PLSCR4: variants seen among roughly 807,000 people sequenced by gnomAD.
The protein encoded by PLSCR4 is Ca(2+)-dependent phospholipid scramblase 4.
In PLSCR4, 25 loss-of-function variants were observed where a neutral mutation model predicts 36.3. That is an observed-to-expected ratio of 0.69 (90% CI 0.50 to 0.96). The LOEUF (loss-of-function observed/expected upper bound fraction) is 0.96, where lower values mean the gene tolerates loss of function less well. Among genes scored for constraint, PLSCR4 ranks in the 40% least tolerant of loss-of-function variants. The probability of loss-of-function intolerance (pLI) is 0.00; values close to 1 mark genes in which losing one functional copy is unlikely to be tolerated. For missense variants in PLSCR4, 408 were observed against 414.7 expected (o/e 0.98, Z 0.14); for synonymous variants, 122 against 132.9 (o/e 0.92, Z 0.56).
At chr3:146,239,375 T>C (rs1044596837) in intron 1 of PLSCR4, among the ~76,000 whole-genome samples, 7 of 152,046 alleles carry the variant, frequency 4.6e-5, no homozygotes, top group African/African-American at 7.2e-5. Flanking sequence ...GTCCAAAGAA[T>C]AGACATATAG....
chr3:146,243,190 C>T (rs2036215857), intron 1 of PLSCR4, among the ~76,000 whole-genome samples: 1 of 152,082 alleles, frequency 6.6e-6, no homozygotes, highest in Non-Finnish European at 1.5e-5. Context: ...GACTGAAACC[C>T]CTCTTCTCAA....
At position 146,193,645 on chromosome 3, in the gene PLSCR4, C is replaced by G. The variant is rs541433566; in HGVS notation, c.*766G>C. 2 of 152,130 alleles carry G rather than the reference C, an allele frequency of 1.3e-5. No individual in the cohort carries two copies. Among genetic ancestry groups the G allele is most frequent in the East Asian group, 3.8e-4 (2 of 5,196 alleles). 9.4% of individuals were successfully genotyped at this position (152,130 alleles called of 1,614,324 possible). On this transcript the variant is annotated 3_prime_UTR_variant, in exon 9 of 9. Coordinates refer to ENST00000354952, the MANE Select transcript of PLSCR4 (RefSeq NM_020353.3). ...AAATGCAAGCTTCATATAATGACAC[C>G]AATGTCTCTAAGTTGCTCAGAGATC...
intron 3 of PLSCR4, among the ~76,000 whole-genome samples, chr3:146,217,901 G>A (rs1483825639): frequency 6.6e-6 from 1 of 152,114 alleles, no homozygotes; most frequent in Non-Finnish European, 1.5e-5. Context: ...GAAGGAAAAG[G>A]AAACCTTCAG....
intron 3 of PLSCR4, among the ~76,000 whole-genome samples, chr3:146,213,340 T>TTTTTTG (rs2034722313): frequency 6.7e-6 from 1 of 149,282 alleles, no homozygotes; most frequent in Non-Finnish European, 1.5e-5. Flanking sequence ...TTTCCTTTTT[T>TTTTTTG]TTTTTTTTTT....
At chr3:146,220,716 T>C (rs1384692034) in intron 3 of PLSCR4, 99 bp downstream of exon 3, 9 of 740,380 alleles carry the variant, frequency 1.2e-5, no homozygotes, top group Non-Finnish European at 2.1e-5. Flanking sequence ...TTTATTTACT[T>C]ATTAAATCAG....
intron 4 of PLSCR4, among the ~76,000 whole-genome samples, chr3:146,205,792 G>A (rs1044423269): frequency 1.3e-5 from 2 of 151,948 alleles, no homozygotes; most frequent in Non-Finnish European, 2.9e-5. Context: ...AACTGAAACC[G>A]CAGGAATCAA....
intron 1 of PLSCR4, among the ~76,000 whole-genome samples, chr3:146,225,841 C>T (rs1381947549): frequency 6.6e-6 from 1 of 152,182 alleles, no homozygotes; most frequent in African/African-American, 2.4e-5. Flanking sequence ...AGGGAGTGGG[C>T]TCCAGCCTTG....
At chr3:146,219,346 A>G (rs1576471528) in intron 3 of PLSCR4, among the ~76,000 whole-genome samples, 1 of 152,352 alleles carries the variant, frequency 6.6e-6, no homozygotes, top group East Asian at 1.9e-4. Flanking sequence ...ATATAGAGTA[A>G]TTGGTAAATA....
chr3:146,220,386 A>T (rs967158270), intron 3 of PLSCR4, among the ~76,000 whole-genome samples: 2 of 152,154 alleles, frequency 1.3e-5, no homozygotes, highest in East Asian at 3.9e-4. Flanking sequence ...GCCTCATACC[A>T]GATTTTCATG....
chr3:146,237,282 A>G (rs1189938437), intron 1 of PLSCR4, among the ~76,000 whole-genome samples: 2 of 152,156 alleles, frequency 1.3e-5, no homozygotes, highest in Non-Finnish European at 2.9e-5. Context: ...AAGATATAAC[A>G]ATTACATACT....
chr3:146,242,647 T>A (rs557238789), intron 1 of PLSCR4, among the ~76,000 whole-genome samples: 1 of 152,132 alleles, frequency 6.6e-6, no homozygotes, highest in African/African-American at 2.4e-5. Context: ...TGGTCAAAGG[T>A]TGCTAGAGCT....
intron 3 of PLSCR4, among the ~76,000 whole-genome samples, chr3:146,218,350 ACTT>A (rs1346698783): frequency 6.6e-6 from 1 of 151,940 alleles, no homozygotes; most frequent in Non-Finnish European, 1.5e-5. Flanking sequence ...TCATTATATC[ACTT>A]CAATGAGTTA....
rs181572037 is a variant in PLSCR4 at position 146,242,369 on chromosome 3, C to T, written c.-22+8591G>A. Among the ~76,000 whole-genome samples, 41 of 152,214 alleles carry T rather than the reference C, an allele frequency of 2.7e-4. No individual in the cohort carries two copies. The East Asian group carries it at 7.0e-3, about 26-fold the overall frequency. Reference sequence around the variant, plus strand: ...CAGTGATCCCAGGAGCACTGAGTGACCAAGTTAAGGTACCCAGCATGCCCA... The same window carrying T: ...CAGTGATCCCAGGAGCACTGAGTGATCAAGTTAAGGTACCCAGCATGCCCA... On this transcript the variant is annotated intron_variant, in intron 1 of 8. Transcript: ENST00000354952.
chr3:146,225,127 T>C lies in PLSCR4; in HGVS notation c.-21-3035A>G, dbSNP rs572302766. ...CACCAAAGCAGCTAGATACAGAGTG[T>C]CCATTGGTGCACTCACAAACCTTGA... On this transcript the variant is annotated intron_variant, in intron 1 of 8. Coordinates refer to ENST00000354952, the MANE Select transcript of PLSCR4 (RefSeq NM_020353.3). Among the ~76,000 whole-genome samples the C allele has an allele frequency of 5.5e-4, 83 of 151,726 alleles. 5 individuals are homozygous for C. In the Middle Eastern group the frequency reaches 0.01, roughly 19 times the overall value.
chr3:146,206,389 G>C (rs988151136), intron 4 of PLSCR4, 137 bp downstream of exon 4: 4 of 639,508 alleles, frequency 6.3e-6, no homozygotes, highest in Non-Finnish European at 1.1e-5. Flanking sequence ...TGGTATCACT[G>C]TTCTTATAGT....
At position 146,203,564 on chromosome 3, in the gene PLSCR4, T is replaced by TA. The variant is rs2034156474; in HGVS notation, c.355-2488dup. On this transcript the variant is annotated intron_variant, in intron 4 of 8. Transcript: ENST00000354952. ...TATAGTTAGGATCTTCTGAAAAACT[T>TA]ACTGCAGCTTCTACATCAGGACTTG... Among the ~76,000 whole-genome samples the TA allele has an allele frequency of 2.0e-5, 3 of 152,188 alleles. No homozygotes were observed. The South Asian group carries it at 6.2e-4, about 31-fold the overall frequency.
At chr3:146,239,213 A>G (rs1047870259) in intron 1 of PLSCR4, among the ~76,000 whole-genome samples, 1 of 152,202 alleles carries the variant, frequency 6.6e-6, no homozygotes, top group African/African-American at 2.4e-5. Context: ...CTTTTTCCAG[A>G]AACTAACAAG....
Position 146,206,640 on chromosome 3 carries a change from A to G in PLSCR4, c.240T>C (p.Pro80=). ...GATATTTGCCAGGCTGATACCGGAC[A>G]GGATGGATACCACCAACTGGCTGGT... ...PLYQPVGGIH[P]VRYQPGKYPM... is the part of the protein sequence containing the mutation. Residue 80 remains proline (P), a synonymous_variant, in exon 4 of 9, where the codon CCT becomes CCC. Transcript: ENST00000354952. 1 of 1,613,572 alleles carries G rather than the reference A, an allele frequency of 6.2e-7. No individual in the cohort carries two copies.
intron 3 of PLSCR4, among the ~76,000 whole-genome samples, chr3:146,218,256 C>T (rs1201897755): frequency 1.3e-5 from 2 of 151,984 alleles, no homozygotes; most frequent in African/African-American, 4.8e-5. Flanking sequence ...GACTAGAAAT[C>T]AGATATCCAT....
Sources: gnomAD v4.1 joint callset for allele counts (sites outside exome capture counted in the v4.1 genomes callset) on GRCh38, gnomAD v4.1.1 for gene constraint, MANE v1.5 for transcripts, NCBI Gene and HGNC (gene_info 2026-07-23, HGNC 2026-07-21) for gene names.